SLC25A21: variants seen among roughly 807,000 people sequenced by gnomAD.
SLC25A21 encodes the protein mitochondrial 2-oxodicarboxylate carrier.
SLC25A21 carries 47 observed loss-of-function variants against 43.8 expected under a neutral mutation model. The observed-to-expected ratio is 1.07, with a 90% confidence interval of 0.85 to 1.37. The LOEUF is 1.37. Ranked by LOEUF, SLC25A21 falls within the 40% of genes most tolerant of loss-of-function variation. The pLI, the probability that SLC25A21 is intolerant of heterozygous loss-of-function variation, is 0.00. For missense variants in SLC25A21, 352 were observed against 350.2 expected, an observed-to-expected ratio of 1.00 and a Z score of -0.04; for synonymous variants, 131 against 121.3, an observed-to-expected ratio of 1.08 and a Z score of -0.52.
intron 7 of SLC25A21, among the ~76,000 whole-genome samples, chr14:36,709,539 T>C (rs998524459): frequency 3.9e-5 from 6 of 152,212 alleles, no homozygotes; most frequent in Non-Finnish European, 8.8e-5. Flanking sequence ...GGGGGGTCTA[T>C]ATACACTGTG....
intron 1 of SLC25A21, among the ~76,000 whole-genome samples, chr14:36,963,956 G>T (rs1421969339): frequency 1.3e-5 from 2 of 150,814 alleles, no homozygotes; most frequent in African/African-American, 2.4e-5. Flanking sequence ...CTTTTTTTTT[G>T]AAATTGTATG....
At position 36,680,187 on chromosome 14, in the gene SLC25A21, G is replaced by A; in HGVS notation, c.*471C>T. The A allele has an allele frequency of 1.2e-6, 1 of 830,750 alleles. No homozygotes were observed. The allele number at this position is 830,750 out of a possible 1,614,324, so 51.5% of individuals were successfully genotyped here. On this transcript the variant is annotated 3_prime_UTR_variant, in exon 10 of 10. Transcript: ENST00000331299. ...TTGTGCTCTTTAAATATTATTTATG[G>A]AATAATTTAATTCATTATAAAAACT...
In SLC25A21 at chr14:36,784,410, C is replaced by A. The variant is rs531800260; in HGVS notation, c.203+29508G>T. Among the ~76,000 whole-genome samples the A allele has an allele frequency of 6.6e-5, 10 of 152,112 alleles. No individual in the cohort carries two copies. The East Asian group carries it at 1.9e-3, about 29-fold the overall frequency. ...AGCTGGAGATATTTGAGAGTTAGCT[C>A]TTCTGTAGCACTGATTCAATTTGGT... is the stretch of plus-strand genomic sequence containing the variant. On this transcript the variant is annotated intron_variant, in intron 3 of 9. Transcript: ENST00000331299.
At chr14:36,963,574 T>C (rs61496149) in intron 1 of SLC25A21, among the ~76,000 whole-genome samples, 14,536 of 152,144 alleles carry the variant, frequency 0.096, 1,829 homozygotes, top group African/African-American at 0.29. Context: ...ATTCTGAACC[T>C]TCTCAGTAGA....
At chr14:36,957,896 CATT>C (rs1959383445) in intron 1 of SLC25A21, among the ~76,000 whole-genome samples, 1 of 152,126 alleles carries the variant, frequency 6.6e-6, no homozygotes, top group African/African-American at 2.4e-5. Flanking sequence ...TGTTTAGTAT[CATT>C]ATTCTATATA....
intron 1 of SLC25A21, among the ~76,000 whole-genome samples, chr14:37,152,467 T>C (rs1950374): frequency 0.92 from 138,613 of 151,004 alleles, 64,498 homozygotes; most frequent in Non-Finnish European, 1. Context: ...CTGCAACCTC[T>C]GCTCCGGGTT....
At chr14:36,790,188 A>G (rs1298352743) in intron 3 of SLC25A21, among the ~76,000 whole-genome samples, 1 of 151,398 alleles carries the variant, frequency 6.6e-6, no homozygotes, top group Non-Finnish European at 1.5e-5. Context: ...ATCTTAGGAT[A>G]TAAGTATATT....
intron 1 of SLC25A21, among the ~76,000 whole-genome samples, chr14:37,068,584 G>A (rs1288524555): frequency 1.4e-4 from 22 of 152,168 alleles, no homozygotes; most frequent in Admixed American, 1.4e-3. Context: ...TTAATGCAAT[G>A]TAATTTTGTA....
intron 3 of SLC25A21, among the ~76,000 whole-genome samples, chr14:36,792,369 C>A (rs1887517283): frequency 6.6e-6 from 1 of 152,134 alleles, no homozygotes; most frequent in African/African-American, 2.4e-5. Context: ...TAGCAGCATT[C>A]TTCAATGGCT....
chr14:36,684,657 C>G (rs17105034), intron 8 of SLC25A21, 87 bp downstream of exon 8: 66,405 of 1,275,734 alleles, frequency 0.052, 3,662 homozygotes, highest in East Asian at 0.33. Context: ...GGAGGGCTTA[C>G]TGGTTCTCAT....
chr14:37,135,030 C>T (rs1963455504), intron 1 of SLC25A21, among the ~76,000 whole-genome samples: 1 of 151,700 alleles, frequency 6.6e-6, no homozygotes, highest in East Asian at 2.0e-4. Context: ...CAGGTTCAAG[C>T]GATTCTCCTG....
At chr14:36,873,453 G>T (rs545479228) in intron 2 of SLC25A21, among the ~76,000 whole-genome samples, 1 of 152,042 alleles carries the variant, frequency 6.6e-6, no homozygotes, top group East Asian at 1.9e-4. Context: ...GTGCCACCAT[G>T]CCCGGTTAAT....
At chr14:36,732,121 G>A (rs781313860) in intron 4 of SLC25A21, among the ~76,000 whole-genome samples, 28 of 152,112 alleles carry the variant, frequency 1.8e-4, no homozygotes, top group Non-Finnish European at 3.2e-4. Context: ...AACAGTGGAT[G>A]TGGGAATTTT....
intron 1 of SLC25A21, among the ~76,000 whole-genome samples, chr14:36,949,334 C>T (rs1475479427): frequency 6.6e-6 from 1 of 152,130 alleles, no homozygotes; most frequent in Non-Finnish European, 1.5e-5. Context: ...AGGCATGCCT[C>T]TTATATACTG....
rs201451707 is a variant in SLC25A21, at chr14:36,711,517, C to A, written c.439-35G>T. ...AGAGAAGCAAGGCCAGAATGATCAT[C>A]TTTGGGACTGTGGAATACAGTAAAT... On this transcript the variant is annotated intron_variant, in intron 6 of 9. Coordinates refer to ENST00000331299, the MANE Select transcript of SLC25A21 (RefSeq NM_030631.4). 4.2e-5 allele frequency: 68 copies of A among 1,601,726 alleles called. 1 individual carries two copies. In the East Asian group the frequency reaches 1.2e-3, roughly 28 times the overall value.
At chr14:36,757,977 C>T (rs1885997738) in intron 3 of SLC25A21, among the ~76,000 whole-genome samples, 1 of 152,236 alleles carries the variant, frequency 6.6e-6, no homozygotes, top group Admixed American at 6.5e-5. Context: ...TGGGTGCCTA[C>T]CGCAAGAGGA....
intron 1 of SLC25A21, among the ~76,000 whole-genome samples, chr14:36,976,547 AC>A (rs1451273378): frequency 6.6e-6 from 1 of 151,574 alleles, no homozygotes; most frequent in Non-Finnish European, 1.5e-5. Context: ...ATAAAAAAAA[AC>A]AAAACAAAAC....
At chr14:36,843,825 G>T (rs1383202183) in intron 2 of SLC25A21, among the ~76,000 whole-genome samples, 1 of 152,090 alleles carries the variant, frequency 6.6e-6, no homozygotes, top group Non-Finnish European at 1.5e-5. Context: ...CAATAAACGT[G>T]CTTTGTAGTT....
intron 7 of SLC25A21, among the ~76,000 whole-genome samples, chr14:36,700,663 G>T (rs574153078): frequency 1.9e-4 from 29 of 152,294 alleles, no homozygotes; most frequent in South Asian, 1.2e-3. Flanking sequence ...TTGAAGACTT[G>T]TTCAAAATAT....
Sources: gnomAD v4.1 joint callset for allele counts (sites outside exome capture counted in the v4.1 genomes callset) on GRCh38, gnomAD v4.1.1 for gene constraint, MANE v1.5 for transcripts, NCBI Gene and HGNC (gene_info 2026-07-23, HGNC 2026-07-21) for gene names.